SLC22A3: variants seen among roughly 807,000 people sequenced by gnomAD.
SLC22A3 encodes the protein EMT organic cation transporter 3.
SLC22A3 carries 51 observed loss-of-function variants against 59.1 expected under a neutral mutation model. That is an observed-to-expected ratio of 0.86 (90% CI 0.69 to 1.09). The LOEUF (loss-of-function observed/expected upper bound fraction) is 1.09. SLC22A3 is among the 50% of genes least tolerant of loss of function. The probability of loss-of-function intolerance (pLI) is 0.00; values close to 1 mark genes in which losing one functional copy is unlikely to be tolerated. For missense variants in SLC22A3, 711 were observed against 726.3 expected (o/e 0.98, Z 0.24); for synonymous variants, 325 against 292.0 (o/e 1.11, Z -1.15).
At chr6:160,354,652 A>T (rs1784770065) in intron 1 of SLC22A3, among the ~76,000 whole-genome samples, 1 of 152,194 alleles carries the variant, frequency 6.6e-6, no homozygotes, top group Non-Finnish European at 1.5e-5. Flanking sequence ...ATATTTTAAA[A>T]TTTTTAAAAA....
At chr6:160,363,358 C>T (rs1194295791) in intron 1 of SLC22A3, among the ~76,000 whole-genome samples, 1 of 152,202 alleles carries the variant, frequency 6.6e-6, no homozygotes, top group Admixed American at 6.5e-5. Flanking sequence ...GTGACCGGCA[C>T]GCCTGTGAGG....
At chr6:160,443,574 A>T in intron 8 of SLC22A3, 56 bp from the exon 9 acceptor site, 5 of 1,157,618 alleles carry the variant, frequency 4.3e-6, no homozygotes, top group Non-Finnish European at 5.2e-6. Context: ...TATGTTGATT[A>T]TCTTGAAGTC....
intron 5 of SLC22A3, among the ~76,000 whole-genome samples, chr6:160,428,264 C>A (rs1444409717): frequency 6.6e-6 from 1 of 152,188 alleles, no homozygotes; most frequent in Non-Finnish European, 1.5e-5. Context: ...CTGTTCTGGG[C>A]AGCATGCCCA....
At chr6:160,440,435 G>A (rs909048393) in intron 7 of SLC22A3, among the ~76,000 whole-genome samples, 1 of 152,170 alleles carries the variant, frequency 6.6e-6, no homozygotes, top group Non-Finnish European at 1.5e-5. Context: ...TTTAAGTCCT[G>A]CATCCTTTCT....
At position 160,348,754 on chromosome 6, in the gene SLC22A3, A is replaced by C. The variant is rs1222256474; in HGVS notation, c.335A>C (p.Asp112Ala). The C allele has an allele frequency of 5.2e-6, 8 of 1,540,206 alleles. No individual in the cohort carries two copies. Among genetic ancestry groups the C allele is most frequent in the Non-Finnish European group, 6.1e-6 (7 of 1,149,300 alleles). Residue 112 changes from aspartate (D) to alanine (A), a missense_variant, in exon 1 of 11, where the codon GAC becomes GCC. Coordinates refer to ENST00000275300, the MANE Select transcript of SLC22A3 (RefSeq NM_021977.4). ...GCCACTAGCGCTCTCAGCTGCGCGGACCCACTCGCCGCCTTCCCCAACCGC... is the reference window on the plus strand; with the variant it reads ...GCCACTAGCGCTCTCAGCTGCGCGGCCCCACTCGCCGCCTTCCCCAACCGC... ...ASATSALSCADPLAAFPNRSA... is the reference protein window; with the variant it reads ...ASATSALSCAAPLAAFPNRSA...
intron 1 of SLC22A3, among the ~76,000 whole-genome samples, chr6:160,393,804 A>G (rs1176408503): frequency 6.6e-6 from 1 of 152,250 alleles, no homozygotes; most frequent in African/African-American, 2.4e-5. Flanking sequence ...TCTAATAATT[A>G]CTTGCCCCAG....
In SLC22A3 at chr6:160,407,177, A is replaced by G. The variant is rs1410994568; in HGVS notation, c.670A>G (p.Met224Val). ...AGGTGTATTTGGAAAGGGGACGTGG[A>G]TGACTTGCTACGTGATTGGTAAGAC... ...LQGVFGKGTW[M>V]TCYVIVTEIV... Residue 224 changes from methionine (M) to valine (V), a missense_variant, in exon 3 of 11, where the codon ATG becomes GTG. Met to Val is a conservative substitution (Grantham distance 21). Coordinates refer to ENST00000275300, the MANE Select transcript of SLC22A3 (RefSeq NM_021977.4). 1.9e-6 allele frequency: 3 copies of G among 1,610,746 alleles called. No homozygotes were observed. Among genetic ancestry groups the G allele is most frequent in the Non-Finnish European group, 2.5e-6 (3 of 1,178,344 alleles).
chr6:160,348,584 T>C lies in SLC22A3; in HGVS notation c.165T>C (p.Ser55=), dbSNP rs755079828. The change falls in exon 1 of 11, where the codon AGT becomes AGC. Residue 55 remains serine (S), a synonymous_variant. Coordinates refer to ENST00000275300, the MANE Select transcript of SLC22A3 (RefSeq NM_021977.4). ...ACCACTACTGGTGCCGCGGGCCAAG[T>C]GCCGCGGCGCTGGCCGAGCGCTGCG... ...QPDHYWCRGP[S]AAALAERCGW... is the part of the protein sequence containing the mutation. 2.5e-5 allele frequency: 38 copies of C among 1,526,552 alleles called. No individual in the cohort carries two copies. In the South Asian group the frequency reaches 4.1e-4, roughly 16 times the overall value. 94.6% of individuals were successfully genotyped at this position (1,526,552 alleles called of 1,614,324 possible). A position where few individuals can be genotyped will look rare whatever the true frequency, so the allele number is the denominator to read the frequency against.
At chr6:160,376,044 G>A (rs1013448767) in intron 1 of SLC22A3, among the ~76,000 whole-genome samples, 1 of 152,110 alleles carries the variant, frequency 6.6e-6, no homozygotes, top group Non-Finnish European at 1.5e-5. Flanking sequence ...TCACAGAAAG[G>A]TAATGTGAAG....
intron 7 of SLC22A3, among the ~76,000 whole-genome samples, 165 bp downstream of exon 7, chr6:160,437,376 G>A (rs951269505): frequency 3.3e-5 from 5 of 152,238 alleles, no homozygotes; most frequent in Non-Finnish European, 7.3e-5. Context: ...TTCGAAGTAA[G>A]AGATTGGTTC....
At chr6:160,378,738 T>C (rs746269963) in intron 1 of SLC22A3, among the ~76,000 whole-genome samples, 17 of 152,188 alleles carry the variant, frequency 1.1e-4, no homozygotes, top group African/African-American at 9.7e-5. Flanking sequence ...TTTAAATTGC[T>C]CAGAATGCTT....
intron 9 of SLC22A3, among the ~76,000 whole-genome samples, chr6:160,446,988 G>A (rs1300490824): frequency 6.6e-6 from 1 of 152,220 alleles, no homozygotes; most frequent in Non-Finnish European, 1.5e-5. Context: ...GGCAGATGCT[G>A]CCAATCAGGG....
chr6:160,350,291 G>A (rs113586595), intron 1 of SLC22A3, among the ~76,000 whole-genome samples: 4,009 of 152,210 alleles, frequency 0.026, 88 homozygotes, highest in Non-Finnish European at 0.037. Flanking sequence ...AAGTGTGTTC[G>A]CACACTGAGT....
At chr6:160,428,852 G>A (rs1304753943) in intron 5 of SLC22A3, among the ~76,000 whole-genome samples, 1 of 152,184 alleles carries the variant, frequency 6.6e-6, no homozygotes, top group East Asian at 1.9e-4. Flanking sequence ...GGATAAGGAG[G>A]TTTTCAAAAA....
At chr6:160,350,336 C>G (rs1403786431) in intron 1 of SLC22A3, among the ~76,000 whole-genome samples, 1 of 151,982 alleles carries the variant, frequency 6.6e-6, no homozygotes, top group African/African-American at 2.4e-5. Flanking sequence ...ATAAACCCCC[C>G]TGGCAAGACA....
At chr6:160,390,109 TC>T (rs1786190819) in intron 1 of SLC22A3, among the ~76,000 whole-genome samples, 1 of 152,188 alleles carries the variant, frequency 6.6e-6, no homozygotes, top group Non-Finnish European at 1.5e-5. Context: ...AACAGACTCC[TC>T]CAAAATGGGG....
intron 1 of SLC22A3, among the ~76,000 whole-genome samples, chr6:160,364,430 T>C (rs1785133084): frequency 6.6e-6 from 1 of 152,220 alleles, no homozygotes; most frequent in Non-Finnish European, 1.5e-5. Context: ...GATGAGTAGA[T>C]GGGTGCAGCG....
intron 1 of SLC22A3, among the ~76,000 whole-genome samples, chr6:160,375,692 G>C (rs1785563810): frequency 6.6e-6 from 1 of 152,170 alleles, no homozygotes; most frequent in African/African-American, 2.4e-5. Flanking sequence ...TTTAAATTCT[G>C]AAAGTCTTGC....
rs924395443 is a variant in SLC22A3 at position 160,437,792 on chromosome 6, C to A, written c.1288+581C>A. Among the ~76,000 whole-genome samples, 11 of 152,194 alleles carry A rather than the reference C, an allele frequency of 7.2e-5. No homozygotes were observed. The South Asian group carries it at 1.5e-3, about 20-fold the overall frequency. ...AAGAAAAGCTTCCCAGCAGTGGGAA[C>A]TAAACATGCGTGAAGACTCAAATGT... On this transcript the variant is annotated intron_variant, in intron 7 of 10. Coordinates refer to ENST00000275300, the MANE Select transcript of SLC22A3 (RefSeq NM_021977.4).
Sources: gnomAD v4.1 joint callset for allele counts (sites outside exome capture counted in the v4.1 genomes callset) on GRCh38, gnomAD v4.1.1 for gene constraint, MANE v1.5 for transcripts, NCBI Gene and HGNC (gene_info 2026-07-23, HGNC 2026-07-21) for gene names.